ARHGAP15: variants seen among roughly 807,000 people sequenced by gnomAD.
ARHGAP15 encodes Rho GTPase activating protein 15.
ARHGAP15 carries 51 observed loss-of-function variants against 63.7 expected under a neutral mutation model. The observed-to-expected ratio is 0.80, with a 90% CI of 0.64 to 1.01. The LOEUF is 1.01. Among genes scored for constraint, ARHGAP15 ranks in the 50% least tolerant of loss-of-function variants. The probability of loss-of-function intolerance (pLI) is 0.00; values close to 1 mark genes in which losing one functional copy is unlikely to be tolerated. For missense variants in ARHGAP15, 560 were observed against 564.6 expected (o/e 0.99, Z 0.08); for synonymous variants, 191 against 193.8 (o/e 0.99, Z 0.12).
chr2:143,460,297 ACT>A (rs1690873084), intron 8 of ARHGAP15, among the ~76,000 whole-genome samples: 1 of 151,982 alleles, frequency 6.6e-6, no homozygotes, highest in East Asian at 1.9e-4. Context: ...GAAATTCAAA[ACT>A]CTGAGGTTTG....
At chr2:143,588,628 C>T (rs556082207) in intron 11 of ARHGAP15, among the ~76,000 whole-genome samples, 18 of 152,202 alleles carry the variant, frequency 1.2e-4, no homozygotes, top group African/African-American at 3.9e-4. Flanking sequence ...TGATGGCTTC[C>T]GGCTTCATCC....
At chr2:143,408,875 A>G (rs78076434) in intron 6 of ARHGAP15, among the ~76,000 whole-genome samples, 2,505 of 152,012 alleles carry the variant, frequency 0.016, 63 homozygotes, top group African/African-American at 0.056. Flanking sequence ...GGAAGGAAGA[A>G]TGATAGCTTA....
intron 12 of ARHGAP15, among the ~76,000 whole-genome samples, chr2:143,660,543 G>A (rs1201645281): frequency 2.0e-5 from 3 of 152,126 alleles, no homozygotes; most frequent in African/African-American, 7.2e-5. Flanking sequence ...ACCCTAAAAT[G>A]AACACTTTAT....
At chr2:143,642,936 G>C (rs1323544794) in intron 12 of ARHGAP15, among the ~76,000 whole-genome samples, 1 of 152,116 alleles carries the variant, frequency 6.6e-6, no homozygotes, top group Non-Finnish European at 1.5e-5. Context: ...AGCAGATACA[G>C]TTAATCCAGT....
rs568871598 is a variant in ARHGAP15 at position 143,414,343 on chromosome 2, G to A, written c.475-21258G>A. Among the ~76,000 whole-genome samples, 37 of 151,886 alleles carry A rather than the reference G, an allele frequency of 2.4e-4. 1 individual carries two copies. The highest frequency in any genetic ancestry group is 6.2e-4 in the South Asian group (3 of 4,810). ...TTTGACAATTATAGCCAAAAAGAGC[G>A]AAAAGAAATTATACTGGAGATAAGA... On this transcript the variant is annotated intron_variant, in intron 6 of 13. Transcript: ENST00000295095.
chr2:143,412,333 G>C (rs1418482684), intron 6 of ARHGAP15, among the ~76,000 whole-genome samples: 1 of 149,938 alleles, frequency 6.7e-6, no homozygotes, highest in Non-Finnish European at 1.5e-5. Flanking sequence ...AAAATATCTG[G>C]TTGGACTTTT....
chr2:143,423,128 T>C (rs2381453), intron 6 of ARHGAP15, among the ~76,000 whole-genome samples: 135,260 of 152,072 alleles, frequency 0.89, 60,525 homozygotes, highest in Middle Eastern at 0.97. Flanking sequence ...ATGGAAGAGG[T>C]ATTCTTCTTA....
chr2:143,752,109 C>G (rs1356682021), intron 13 of ARHGAP15, among the ~76,000 whole-genome samples: 1 of 152,136 alleles, frequency 6.6e-6, no homozygotes, highest in African/African-American at 2.4e-5. Flanking sequence ...CTTGGCTGCC[C>G]CTCAACCCTG....
intron 12 of ARHGAP15, among the ~76,000 whole-genome samples, chr2:143,629,618 T>G (rs954175472): frequency 2.0e-5 from 3 of 152,112 alleles, no homozygotes; most frequent in South Asian, 2.1e-4. Context: ...ACTCTACAGA[T>G]CCAAAGAAAA....
chr2:143,424,101 A>G (rs928564605), intron 6 of ARHGAP15, among the ~76,000 whole-genome samples: 7 of 152,070 alleles, frequency 4.6e-5, no homozygotes, highest in Non-Finnish European at 1.0e-4. Context: ...AATACAGCAT[A>G]ATTTTCAAAT....
intron 6 of ARHGAP15, among the ~76,000 whole-genome samples, chr2:143,399,970 C>T (rs145565489): frequency 1.4e-3 from 207 of 152,120 alleles, no homozygotes; most frequent in African/African-American, 4.9e-3. Context: ...TGACTCCAGG[C>T]AAGGGTGATC....
chr2:143,338,766 G>A (rs1359065092), intron 6 of ARHGAP15, among the ~76,000 whole-genome samples: 4 of 152,112 alleles, frequency 2.6e-5, no homozygotes, highest in Non-Finnish European at 4.4e-5. Context: ...CACAAAACCT[G>A]TGCACCAATG....
intron 6 of ARHGAP15, among the ~76,000 whole-genome samples, chr2:143,404,335 A>G (rs1446983873): frequency 1.3e-5 from 2 of 151,964 alleles, no homozygotes; most frequent in African/African-American, 4.8e-5. Context: ...AAAACATTCT[A>G]TGGAAGAAAT....
intron 13 of ARHGAP15, chr2:143,703,877 A>T: frequency 5.9e-6 from 1 of 168,406 alleles, no homozygotes; most frequent in Non-Finnish European, 1.3e-5. Flanking sequence ...ACTCAGCCCC[A>T]CCATGTACCA....
At chr2:143,177,928 C>T (rs1001848299) in intron 2 of ARHGAP15, among the ~76,000 whole-genome samples, 5 of 152,098 alleles carry the variant, frequency 3.3e-5, no homozygotes, top group Admixed American at 3.3e-4. Context: ...CATTTATTTA[C>T]TGTATCTACT....
intron 10 of ARHGAP15, among the ~76,000 whole-genome samples, chr2:143,546,569 GC>G (rs1484475887): frequency 6.6e-6 from 1 of 151,992 alleles, no homozygotes; most frequent in Non-Finnish European, 1.5e-5. Flanking sequence ...ACCTGCTGTG[GC>G]CACCCCACTG....
At chr2:143,418,752 C>T (rs551476464) in intron 6 of ARHGAP15, among the ~76,000 whole-genome samples, 14 of 152,176 alleles carry the variant, frequency 9.2e-5, no homozygotes, top group African/African-American at 3.1e-4. Flanking sequence ...TGCAGGGGCC[C>T]ATTAATATGA....
intron 13 of ARHGAP15, among the ~76,000 whole-genome samples, chr2:143,740,869 G>A (rs1336891045): frequency 1.3e-5 from 2 of 152,034 alleles, no homozygotes; most frequent in Non-Finnish European, 2.9e-5. Flanking sequence ...TTTTGCAAAT[G>A]CTAATACCAT....
chr2:143,608,431 A>T (rs530303470), intron 11 of ARHGAP15: 1 of 152,242 alleles, frequency 6.6e-6, no homozygotes, highest in African/African-American at 2.4e-5. Flanking sequence ...TTGTGAAAAA[A>T]ACATTCTCAA....
Sources: gnomAD v4.1 joint callset for allele counts (sites outside exome capture counted in the v4.1 genomes callset) on GRCh38, gnomAD v4.1.1 for gene constraint, MANE v1.5 for transcripts, NCBI Gene and HGNC (gene_info 2026-07-23, HGNC 2026-07-21) for gene names.